The following SPRED2 variants were observed in gnomAD, a reference collection of about 807,000 sequenced individuals.
SPRED2 encodes sprouty related EVH1 domain containing 2, also known as sprouty-related, EVH1 domain-containing protein 2.
Under a neutral mutation model 43.0 loss-of-function variants are expected in SPRED2, and 47 were observed. The ratio of observed to expected loss-of-function variants is 1.09; its 90% confidence interval spans 0.87 to 1.40. The LOEUF is 1.40. Among genes scored for constraint, SPRED2 ranks in the 40% most tolerant of loss-of-function variants. The probability of loss-of-function intolerance (pLI) is 0.00; values close to 1 mark genes in which losing one functional copy is unlikely to be tolerated. For missense variants in SPRED2, 561 were observed against 586.4 expected (o/e 0.96, Z 0.45); for synonymous variants, 225 against 225.7 (o/e 1.00, Z 0.03).
chr2:65,311,876 A>G lies in SPRED2; in HGVS notation c.*1625T>C. 1.0e-6 allele frequency: 1 copy of G among 985,456 alleles called. No individual in the cohort carries two copies. The highest frequency in any genetic ancestry group is 1.2e-6 in the Non-Finnish European group (1 of 829,940). The allele number at this position is 985,456 out of a possible 1,614,324, so 61.0% of individuals were successfully genotyped here. On this transcript the variant is annotated 3_prime_UTR_variant, in exon 6 of 6. Transcript: ENST00000356388. The stretch of plus-strand genomic sequence containing the variant: ...TTCCCAATATGATTGGCAGACTGGA[A>G]AAAAGTCCCTTTCCTTGAAGACTGG...
At chr2:65,364,594 A>G (rs977859122) in intron 1 of SPRED2, among the ~76,000 whole-genome samples, 5 of 152,242 alleles carry the variant, frequency 3.3e-5, no homozygotes, top group African/African-American at 9.6e-5. Flanking sequence ...CCCTCTGTGT[A>G]CTGTAACCAA....
chr2:65,430,473 A>G (rs1055805242), intron 1 of SPRED2, among the ~76,000 whole-genome samples: 3 of 152,180 alleles, frequency 2.0e-5, no homozygotes, highest in Non-Finnish European at 4.4e-5. Context: ...GCCAAAGGAT[A>G]AAGGGGGTAT....
chr2:65,374,111 T>C (rs1675186953), intron 1 of SPRED2: 1 of 152,250 alleles, frequency 6.6e-6, no homozygotes, highest in Non-Finnish European at 1.5e-5. Flanking sequence ...TTCCCGTTTT[T>C]CTATTTATTC....
chr2:65,328,369 C>G (rs772469570), intron 4 of SPRED2, among the ~76,000 whole-genome samples: 1 of 152,144 alleles, frequency 6.6e-6, no homozygotes, highest in South Asian at 2.1e-4. Context: ...AGTTGGATAA[C>G]GATTTCCTTT....
chr2:65,386,458 G>A (rs1675505415), intron 1 of SPRED2, among the ~76,000 whole-genome samples: 1 of 152,036 alleles, frequency 6.6e-6, no homozygotes, highest in Admixed American at 6.6e-5. Context: ...CCTCTCTATC[G>A]TACCTCTCAT....
Position 65,316,883 on chromosome 2 carries a change from T to C in SPRED2, c.439A>G (p.Thr147Ala), listed in dbSNP as rs1673256309. 6.2e-7 allele frequency: 1 copy of C among 1,613,544 alleles called. No individual in the cohort carries two copies. The highest frequency in any genetic ancestry group is 8.5e-7 in the Non-Finnish European group (1 of 1,179,910). The change falls in exon 5 of 6, where the codon ACA (threonine) becomes GCA (alanine). Residue 147 changes from threonine to alanine, a missense_variant and splice_region_variant. By Grantham distance (58) the Thr-to-Ala change is moderately conservative. Coordinates refer to ENST00000356388, the MANE Select transcript of SPRED2 (RefSeq NM_181784.3). ...GAATTAGAAGAACTGTCTGTAGCTG[T>C]CTGTGTAGAGGGAGGTAACCAAGAG... is the stretch of plus-strand genomic sequence containing the variant. ...AELGDDDVFT[T>A]ATDSSSNSSQ...
chr2:65,375,217 C>T (rs139173819), intron 1 of SPRED2, among the ~76,000 whole-genome samples: 2 of 152,370 alleles, frequency 1.3e-5, no homozygotes, highest in East Asian at 3.9e-4. Context: ...CATGTGTCAA[C>T]ATGGCTCTTA....
At chr2:65,377,139 A>G (rs984671176) in intron 1 of SPRED2, among the ~76,000 whole-genome samples, 9 of 152,218 alleles carry the variant, frequency 5.9e-5, no homozygotes, top group Non-Finnish European at 7.3e-5. Context: ...TGTTTTCCAA[A>G]CTTTTTGCTG....
chr2:65,322,120 C>A (rs1673431817), intron 4 of SPRED2, among the ~76,000 whole-genome samples: 1 of 151,596 alleles, frequency 6.6e-6, no homozygotes, highest in Non-Finnish European at 1.5e-5. Context: ...ATGAAAGTTA[C>A]TGATTCTGTA....
At chr2:65,337,529 C>G (rs1674002633) in intron 2 of SPRED2, among the ~76,000 whole-genome samples, 1 of 152,172 alleles carries the variant, frequency 6.6e-6, no homozygotes, top group African/African-American at 2.4e-5. Flanking sequence ...CTGTCGAGTT[C>G]CCCACTGTCA....
intron 2 of SPRED2, among the ~76,000 whole-genome samples, chr2:65,341,812 A>G (rs551246005): frequency 6.6e-6 from 1 of 152,178 alleles, no homozygotes; most frequent in African/African-American, 2.4e-5. Context: ...AATACCAGGA[A>G]AAAGTAGCTC....
Position 65,311,822 on chromosome 2 carries a change from G to A in SPRED2, c.*1679C>T, listed in dbSNP as rs75323765. Reference sequence around the variant, plus strand: ...TGAGCTTGTGGACGAGCTGGAAACAGCCCCATGAAGGTGAGCACAGCTAGC... The same window carrying A: ...TGAGCTTGTGGACGAGCTGGAAACAACCCCATGAAGGTGAGCACAGCTAGC... On this transcript the variant is annotated 3_prime_UTR_variant, in exon 6 of 6. Coordinates refer to ENST00000356388, the MANE Select transcript of SPRED2 (RefSeq NM_181784.3). 0.018 allele frequency: 17,573 copies of A among 985,452 alleles called. 179 individuals are homozygous for A. Among genetic ancestry groups the A allele is most frequent in the Non-Finnish European group, 0.019 (16,132 of 829,952 alleles). The allele number at this position is 985,452 out of a possible 1,614,324, so 61.0% of individuals were successfully genotyped here.
chr2:65,356,832 AAAAATAC>A (rs1223717239), intron 1 of SPRED2, among the ~76,000 whole-genome samples: 1 of 151,948 alleles, frequency 6.6e-6, no homozygotes, highest in Non-Finnish European at 1.5e-5. Context: ...TCTCTACTAA[AAAAATAC>A]AAAAATTAGC....
At chr2:65,308,774 A>G (rs998161631), downstream of SPRED2, among the ~76,000 whole-genome samples, 1 of 152,258 alleles carries the variant, frequency 6.6e-6, no homozygotes, top group Non-Finnish European at 1.5e-5. Flanking sequence ...AAGGCTGTCC[A>G]GTGACCTTTA....
At chr2:65,340,782 T>C (rs1674154169) in intron 2 of SPRED2, among the ~76,000 whole-genome samples, 2 of 152,322 alleles carry the variant, frequency 1.3e-5, no homozygotes, top group Non-Finnish European at 2.9e-5. Flanking sequence ...TTGTAAAAAC[T>C]GACAACACTG....
intron 4 of SPRED2, among the ~76,000 whole-genome samples, chr2:65,324,401 G>A (rs953857358): frequency 1.1e-4 from 17 of 152,142 alleles, no homozygotes; most frequent in Non-Finnish European, 2.1e-4. Context: ...TGGGCTAATG[G>A]ACTGGCAGTT....
At chr2:65,337,367 G>A (rs1054359391) in intron 2 of SPRED2, among the ~76,000 whole-genome samples, 1 of 151,886 alleles carries the variant, frequency 6.6e-6, no homozygotes, top group East Asian at 1.9e-4. Flanking sequence ...TAAATAAGAT[G>A]CATACGGAGA....
rs138968037 is a variant in SPRED2 at position 65,327,864 on chromosome 2, C to T, written c.438+4123G>A. On this transcript the variant is annotated intron_variant, in intron 4 of 5. Coordinates refer to ENST00000356388, the MANE Select transcript of SPRED2 (RefSeq NM_181784.3). ...TCAGCCTCCGGAGTAGCTGGGATTACAGGGGCCCGCCATCATGCCTGGCTA... is the reference window on the plus strand; with the variant it reads ...TCAGCCTCCGGAGTAGCTGGGATTATAGGGGCCCGCCATCATGCCTGGCTA... Among the ~76,000 whole-genome samples the T allele has an allele frequency of 5.0e-3, 761 of 151,916 alleles. 6 individuals are homozygous for T. Among genetic ancestry groups the T allele is most frequent in the Middle Eastern group, 0.045 (13 of 292 alleles).
rs779793992 is a variant in SPRED2, at chr2:65,316,923, A to G, written c.439-40T>C. On this transcript the variant is annotated intron_variant, in intron 4 of 5. Coordinates refer to ENST00000356388, the MANE Select transcript of SPRED2 (RefSeq NM_181784.3). ...GTAACCAAGAGTCAATTTAAAAACA[A>G]CAACAAAAACCCCACGCAGCAAACC... The G allele has an allele frequency of 5.6e-6, 9 of 1,605,850 alleles. No individual in the cohort carries two copies. The Admixed American group carries it at 1.0e-4, about 18-fold the overall frequency.
Sources: gnomAD v4.1 joint callset for allele counts (sites outside exome capture counted in the v4.1 genomes callset) on GRCh38, gnomAD v4.1.1 for gene constraint, MANE v1.5 for transcripts, NCBI Gene and HGNC (gene_info 2026-07-23, HGNC 2026-07-21) for gene names.